FGF12: variants seen among roughly 807,000 people sequenced by gnomAD.
The protein encoded by FGF12 is fibroblast growth factor 12.
In FGF12, 14 loss-of-function variants were observed where a neutral mutation model predicts 23.6. The ratio of observed to expected loss-of-function variants is 0.59; its 90% CI spans 0.39 to 0.93. The LOEUF (loss-of-function observed/expected upper bound fraction) is 0.93. Among genes scored for constraint, FGF12 ranks in the 40% least tolerant of loss-of-function variants. FGF12 has a pLI of 0.00. For synonymous variants in FGF12, 62 were observed against 77.3 expected, an observed-to-expected ratio of 0.80 and a Z score of 1.04; for missense variants, 175 against 217.8, an observed-to-expected ratio of 0.80 and a Z score of 1.24.
intron 4 of FGF12, among the ~76,000 whole-genome samples, chr3:192,204,666 A>G (rs2108666781): frequency 6.6e-6 from 1 of 152,236 alleles, no homozygotes; most frequent in South Asian, 2.1e-4. Flanking sequence ...TGGGTGAATC[A>G]CTTGAGGTCA....
intron 2 of FGF12, among the ~76,000 whole-genome samples, chr3:192,635,710 C>T (rs190114170): frequency 1.3e-3 from 204 of 152,184 alleles, no homozygotes; most frequent in Middle Eastern, 6.8e-3. Context: ...TCTTTCTGTT[C>T]TTTTTTTACG....
intron 3 of FGF12, among the ~76,000 whole-genome samples, chr3:192,339,697 A>C (rs906224796): frequency 7.2e-5 from 11 of 152,160 alleles, no homozygotes; most frequent in Non-Finnish European, 1.2e-4. Context: ...AATCTTGCCC[A>C]AAACCCTTCA....
At chr3:192,155,560 AAAT>A (rs1301038071) in intron 5 of FGF12, among the ~76,000 whole-genome samples, 1 of 152,224 alleles carries the variant, frequency 6.6e-6, no homozygotes, top group East Asian at 1.9e-4. Context: ...AACAAACAAA[AAAT>A]AAATTAAGAA....
intron 2 of FGF12, among the ~76,000 whole-genome samples, chr3:192,404,405 A>G (rs1720881687): frequency 6.6e-6 from 1 of 152,162 alleles, no homozygotes; most frequent in Non-Finnish European, 1.5e-5. Context: ...TTTGTCTGTA[A>G]TAACTTCCGA....
chr3:192,231,749 AACACAGCAAG>A (rs1378180274), intron 4 of FGF12, among the ~76,000 whole-genome samples: 1 of 152,090 alleles, frequency 6.6e-6, no homozygotes, highest in South Asian at 2.1e-4. Context: ...CAGCCTGAGC[AACACAGCAAG>A]ACTCTGTCTC....
At chr3:192,365,540 A>T (rs1472124618) in intron 2 of FGF12, among the ~76,000 whole-genome samples, 1 of 152,108 alleles carries the variant, frequency 6.6e-6, no homozygotes, top group Non-Finnish European at 1.5e-5. Flanking sequence ...GGTATATGAG[A>T]ACTCTGTACT....
At chr3:192,413,511 C>G (rs1478112366) in intron 2 of FGF12, among the ~76,000 whole-genome samples, 2 of 152,160 alleles carry the variant, frequency 1.3e-5, no homozygotes, top group Admixed American at 1.3e-4. Flanking sequence ...ATGAGAATGA[C>G]CATGCTGTTA....
chr3:192,634,068 C>T (rs1715492325), intron 2 of FGF12, among the ~76,000 whole-genome samples: 1 of 152,220 alleles, frequency 6.6e-6, no homozygotes, highest in Non-Finnish European at 1.5e-5. Context: ...ATAGCACTAC[C>T]TCTTTGCTTC....
intron 4 of FGF12, among the ~76,000 whole-genome samples, chr3:192,249,356 G>C (rs1288462209): frequency 6.6e-6 from 1 of 152,084 alleles, no homozygotes; most frequent in Non-Finnish European, 1.5e-5. Flanking sequence ...GTGTGTAAAA[G>C]ATTAAGTTTG....
At chr3:192,234,374 G>T (rs888497746) in intron 4 of FGF12, among the ~76,000 whole-genome samples, 3 of 152,050 alleles carry the variant, frequency 2.0e-5, no homozygotes, top group African/African-American at 7.2e-5. Context: ...ACTAATTGTT[G>T]TACATTTATT....
chr3:192,522,008 C>T (rs567288225), intron 2 of FGF12, among the ~76,000 whole-genome samples: 19 of 152,210 alleles, frequency 1.2e-4, no homozygotes, highest in African/African-American at 4.3e-4. Flanking sequence ...ACCATCCTGG[C>T]TAACACAGTG....
In FGF12 at chr3:192,141,120, T is replaced by C. The variant is rs1210430679; in HGVS notation, c.*2889A>G. The C allele has an allele frequency of 6.0e-5, 2 of 33,542 alleles. No individual in the cohort carries two copies. The highest frequency in any genetic ancestry group is 2.3e-3 in the East Asian group (2 of 868). The allele number at this position is 33,542 out of a possible 1,614,324, so 2.1% of individuals were successfully genotyped here. On this transcript the variant is annotated 3_prime_UTR_variant, in exon 6 of 6. Transcript: ENST00000445105. The stretch of plus-strand genomic sequence containing the variant: ...TATTTTTTCCTGGGAAAAATCCCAA[T>C]GCAACTCCAAAAAAAAAAAAAAAAA...
At chr3:192,161,192 C>A (rs893041271) in intron 5 of FGF12, among the ~76,000 whole-genome samples, 8 of 151,992 alleles carry the variant, frequency 5.3e-5, no homozygotes, top group Non-Finnish European at 1.2e-4. Context: ...ACCACCACCA[C>A]CAACAGCAGG....
In FGF12 at chr3:192,647,928, T is replaced by C. The variant is rs978074858; in HGVS notation, c.13+79253A>G. On this transcript the variant is annotated intron_variant, in intron 2 of 5. Transcript: ENST00000445105. The stretch of plus-strand genomic sequence containing the variant: ...AAAATATTTATGAATAAAAACACTT[T>C]AGTATTTGATAGGTCCCCACTTACA... Among the ~76,000 whole-genome samples the C allele has an allele frequency of 2.6e-5, 4 of 151,912 alleles. No homozygotes were observed. The East Asian group carries it at 7.7e-4, about 29-fold the overall frequency.
At chr3:192,306,356 A>G (rs1715651707) in intron 4 of FGF12, among the ~76,000 whole-genome samples, 1 of 152,084 alleles carries the variant, frequency 6.6e-6, no homozygotes, top group East Asian at 1.9e-4. Context: ...CTTAACCCCC[A>G]GTTCAGGTGA....
intron 4 of FGF12, among the ~76,000 whole-genome samples, chr3:192,274,246 C>T (rs902427161): frequency 2.6e-5 from 4 of 152,058 alleles, no homozygotes; most frequent in Admixed American, 2.0e-4. Context: ...AAAAATTCCA[C>T]CAATACAAGC....
intron 4 of FGF12, among the ~76,000 whole-genome samples, chr3:192,209,306 T>A (rs961189841): frequency 1.3e-5 from 2 of 152,060 alleles, no homozygotes; most frequent in Admixed American, 1.3e-4. Flanking sequence ...CCATCTTGAA[T>A]CAAGAGGTGA....
At chr3:192,629,544 ATTGT>A (rs1005853103) in intron 2 of FGF12, among the ~76,000 whole-genome samples, 1 of 152,322 alleles carries the variant, frequency 6.6e-6, no homozygotes, top group East Asian at 1.9e-4. Context: ...TGGACTTTTG[ATTGT>A]TTGTGCTGCT....
At chr3:192,376,716 T>C (rs184090722) in intron 2 of FGF12, among the ~76,000 whole-genome samples, 2 of 152,348 alleles carry the variant, frequency 1.3e-5, no homozygotes, top group African/African-American at 4.8e-5. Context: ...GCCCTTTTCC[T>C]GTCTTGTGAT....
Sources: allele counts gnomAD v4.1 joint callset (sites outside exome capture counted in the v4.1 genomes callset), GRCh38; gene constraint gnomAD v4.1.1; transcripts MANE v1.5; gene names NCBI Gene and HGNC (gene_info 2026-07-23, HGNC 2026-07-21).